TBC1D1: variants seen among roughly 807,000 people sequenced by gnomAD.
TBC1D1 encodes the protein TBC1 (tre-2/USP6, BUB2, cdc16) domain family, member 1.
A neutral mutation model predicts 125.6 loss-of-function variants in TBC1D1; 89 were observed. The ratio of observed to expected loss-of-function variants is 0.71; its 90% confidence interval spans 0.60 to 0.85. TBC1D1 has a LOEUF of 0.85. Among genes scored for constraint, TBC1D1 ranks in the 40% least tolerant of loss-of-function variants. The probability of loss-of-function intolerance (pLI) is 0.00; values close to 1 mark genes in which losing one functional copy is unlikely to be tolerated. For missense variants in TBC1D1, 1,377 were observed against 1,469.2 expected, an observed-to-expected ratio of 0.94 and a Z score of 1.03; for synonymous variants, 565 against 564.1, an observed-to-expected ratio of 1.00 and a Z score of -0.02.
intron 13 of TBC1D1, among the ~76,000 whole-genome samples, chr4:38,090,515 T>C (rs1297373641): frequency 6.6e-6 from 1 of 152,208 alleles, no homozygotes; most frequent in African/African-American, 2.4e-5. Flanking sequence ...GTGTAAGTCA[T>C]TAACATACGT....
chr4:38,067,583 T>C lies in TBC1D1; in HGVS notation c.2050+13245T>C, dbSNP rs9994578. Among the ~76,000 whole-genome samples the C allele has an allele frequency of 7.5e-3, 1,148 of 152,278 alleles. 11 individuals are homozygous for C. Among genetic ancestry groups the C allele is most frequent in the African/African-American group, 0.027 (1,104 of 41,536 alleles). ...AAGGATTCAGATTGCAGGTTGTAGA[T>C]TGGAGGCCGTCAGTGGGGATACCTT... On this transcript the variant is annotated intron_variant, in intron 12 of 19. Transcript: ENST00000261439.
At chr4:38,030,169 A>G (rs6820715) in intron 7 of TBC1D1, among the ~76,000 whole-genome samples, 1 of 152,060 alleles carries the variant, frequency 6.6e-6, no homozygotes, top group Non-Finnish European at 1.5e-5. Flanking sequence ...ATGAATCAGT[A>G]TAGGTAATAC....
At chr4:38,077,255 G>T (rs895095723) in intron 12 of TBC1D1, among the ~76,000 whole-genome samples, 1 of 152,218 alleles carries the variant, frequency 6.6e-6, no homozygotes, top group African/African-American at 2.4e-5. Context: ...GTTGAAAGTG[G>T]ATCAAATGCT....
At chr4:38,016,292 C>T (rs1742702594) in intron 3 of TBC1D1, among the ~76,000 whole-genome samples, 2 of 152,208 alleles carry the variant, frequency 1.3e-5, no homozygotes, top group South Asian at 4.1e-4. Flanking sequence ...TTGTGGCCAC[C>T]TGGGAAGGTC....
intron 12 of TBC1D1, among the ~76,000 whole-genome samples, chr4:38,062,149 G>A (rs1481581210): frequency 6.6e-6 from 1 of 152,116 alleles, no homozygotes; most frequent in Non-Finnish European, 1.5e-5. Flanking sequence ...CACGTTGAGA[G>A]GGTTGACCTC....
At chr4:37,917,423 C>T (rs975436224) in intron 2 of TBC1D1, among the ~76,000 whole-genome samples, 8 of 152,098 alleles carry the variant, frequency 5.3e-5, no homozygotes, top group African/African-American at 9.7e-5. Flanking sequence ...TGCAGTGAGC[C>T]GAGACTGCGT....
chr4:38,101,368 T>TCC (rs1302500690), intron 14 of TBC1D1, among the ~76,000 whole-genome samples: 1 of 152,154 alleles, frequency 6.6e-6, no homozygotes, highest in Non-Finnish European at 1.5e-5. Context: ...CTTCTTGCTC[T>TCC]CCCCCTTTCC....
intron 12 of TBC1D1, among the ~76,000 whole-genome samples, chr4:38,082,184 C>T (rs1252263568): frequency 6.6e-6 from 1 of 152,128 alleles, no homozygotes; most frequent in Non-Finnish European, 1.5e-5. Flanking sequence ...CTGACAGTTT[C>T]CCCACAATAC....
At chr4:37,972,551 T>C (rs1732255488) in intron 2 of TBC1D1, among the ~76,000 whole-genome samples, 1 of 151,738 alleles carries the variant, frequency 6.6e-6, no homozygotes, top group Non-Finnish European at 1.5e-5. Flanking sequence ...GCATATGCAG[T>C]TCCTTGTGGG....
At chr4:37,925,870 G>A (rs911848343) in intron 2 of TBC1D1, among the ~76,000 whole-genome samples, 15 of 152,004 alleles carry the variant, frequency 9.9e-5, no homozygotes, top group Admixed American at 2.0e-4. Flanking sequence ...AAAGATCAAA[G>A]TAGTTTGGTA....
At chr4:38,054,678 T>C (rs1751356081) in intron 12 of TBC1D1, among the ~76,000 whole-genome samples, 1 of 152,192 alleles carries the variant, frequency 6.6e-6, no homozygotes, top group Non-Finnish European at 1.5e-5. Flanking sequence ...AGGCAAGTTT[T>C]AGAGCAGCAG....
intron 2 of TBC1D1, among the ~76,000 whole-genome samples, chr4:38,010,997 G>T (rs186444461): frequency 3.9e-5 from 6 of 152,308 alleles, no homozygotes; most frequent in Admixed American, 3.9e-4. Context: ...GACAGAGTTA[G>T]AAGGATAAAG....
At chr4:37,925,503 G>A (rs771298659) in intron 2 of TBC1D1, among the ~76,000 whole-genome samples, 3 of 152,046 alleles carry the variant, frequency 2.0e-5, no homozygotes, top group Non-Finnish European at 2.9e-5. Flanking sequence ...GGATCATGAG[G>A]TCAAGAAATC....
At chr4:37,975,227 G>A (rs1221641731) in intron 2 of TBC1D1, among the ~76,000 whole-genome samples, 3 of 152,214 alleles carry the variant, frequency 2.0e-5, no homozygotes, top group Non-Finnish European at 4.4e-5. Flanking sequence ...TTCCCTGCCT[G>A]GCAGCCGAGG....
rs556562203 is a variant in TBC1D1, at chr4:38,017,842, T to C, written c.883-512T>C. On this transcript the variant is annotated intron_variant, in intron 3 of 19. Coordinates refer to ENST00000261439, the MANE Select transcript of TBC1D1 (RefSeq NM_015173.4). ...CAACACAGCAGTCTCCTATAATGCATGTCTATTAGCATGTCCCAAGGCAGT... is the reference window on the plus strand; with the variant it reads ...CAACACAGCAGTCTCCTATAATGCACGTCTATTAGCATGTCCCAAGGCAGT... 3.3e-5 allele frequency among the ~76,000 whole-genome samples: 5 copies of C among 152,316 alleles called. No individual in the cohort carries two copies. In the East Asian group the frequency reaches 9.6e-4, roughly 29 times the overall value.
At chr4:37,937,947 T>A (rs1355401211) in intron 2 of TBC1D1, among the ~76,000 whole-genome samples, 1 of 152,238 alleles carries the variant, frequency 6.6e-6, no homozygotes, top group Non-Finnish European at 1.5e-5. Context: ...TAATGACATC[T>A]AACATTGTGA....
At chr4:37,991,687 T>C (rs1736599021) in intron 2 of TBC1D1, among the ~76,000 whole-genome samples, 1 of 152,060 alleles carries the variant, frequency 6.6e-6, no homozygotes, top group Non-Finnish European at 1.5e-5. Flanking sequence ...TAAGGAAATT[T>C]TACACTGGAC....
At chr4:37,943,606 C>G (rs1256396592) in intron 2 of TBC1D1, among the ~76,000 whole-genome samples, 2 of 152,172 alleles carry the variant, frequency 1.3e-5, no homozygotes, top group Non-Finnish European at 2.9e-5. Flanking sequence ...TCACTGATAT[C>G]CTTTCTTCCA....
intron 2 of TBC1D1, among the ~76,000 whole-genome samples, chr4:37,970,949 C>CA (rs1731896418): frequency 6.6e-6 from 1 of 152,068 alleles, no homozygotes; most frequent in African/African-American, 2.4e-5. Context: ...TGGCCCCCCC[C>CA]ACTAGAGGGC....
Sources: allele counts gnomAD v4.1 joint callset (sites outside exome capture counted in the v4.1 genomes callset), GRCh38; gene constraint gnomAD v4.1.1; transcripts MANE v1.5; gene names NCBI Gene and HGNC (gene_info 2026-07-23, HGNC 2026-07-21).